The following SIRT3 variants were observed in gnomAD, a reference collection of about 807,000 sequenced individuals.
SIRT3 encodes the protein sirtuin 3.
SIRT3 carries 26 observed loss-of-function variants against 33.5 expected under a neutral mutation model. The ratio of observed to expected loss-of-function variants is 0.78; its 90% CI spans 0.57 to 1.08. The LOEUF is 1.08. SIRT3 is among the 50% of genes least tolerant of loss of function. The pLI, the probability that SIRT3 is intolerant of heterozygous loss-of-function variation, is 0.00. For synonymous variants in SIRT3, 237 were observed against 222.1 expected (o/e 1.07, Z -0.60); for missense variants, 585 against 530.1 (o/e 1.10, Z -1.02).
intron 3 of SIRT3, among the ~76,000 whole-genome samples, chr11:232,488 C>A (rs1858194743): frequency 6.6e-6 from 1 of 152,088 alleles, no homozygotes; most frequent in Non-Finnish European, 1.5e-5. Flanking sequence ...TAGATTATTT[C>A]TAGATTAAAT....
intron 4 of SIRT3, among the ~76,000 whole-genome samples, chr11:224,825 A>C (rs1366344050): frequency 6.7e-6 from 1 of 150,358 alleles, no homozygotes; most frequent in African/African-American, 2.5e-5. Flanking sequence ...GTCAAGATTA[A>C]TATAAATAAA....
rs1590235780 is a variant in SIRT3 at position 236,214 on chromosome 11, C to G, written c.115G>C (p.Val39Leu). 1.3e-6 allele frequency: 2 copies of G among 1,559,856 alleles called. No individual in the cohort carries two copies. The highest frequency in any genetic ancestry group is 1.4e-5 in the African/African-American group (1 of 73,316). Reference protein sequence around the residue: ...GPFQACGCRLVLGGRDDVSAG... With the variant: ...GPFQACGCRLLLGGRDDVSAG... ...CTCACATCGTCCCTGCCGCCAAGCACCAGCCGACAGCCGCAGGCCTGAAAC... is the reference window on the plus strand; with the variant it reads ...CTCACATCGTCCCTGCCGCCAAGCAGCAGCCGACAGCCGCAGGCCTGAAAC... The change falls in exon 1 of 7, where the codon GTG (valine) becomes CTG (leucine). Residue 39 changes from valine to leucine, a missense_variant. Physicochemically the swap from Val to Leu is conservative, Grantham distance 32 (BLOSUM62 1). Transcript: ENST00000382743.
intron 1 of SIRT3, among the ~76,000 whole-genome samples, chr11:235,306 AG>A (rs1271181523): frequency 6.6e-5 from 10 of 152,220 alleles, no homozygotes; most frequent in Non-Finnish European, 2.9e-5. Flanking sequence ...CCTGGACTCA[AG>A]GGATCCTCTT....
intron 4 of SIRT3, among the ~76,000 whole-genome samples, chr11:225,365 T>C (rs1218369457): frequency 1.1e-4 from 16 of 152,066 alleles, no homozygotes; most frequent in Admixed American, 9.2e-4. Flanking sequence ...TGAGCTGAGA[T>C]TGCACCACTG....
chr11:226,776 G>C (rs1857231321), intron 4 of SIRT3, among the ~76,000 whole-genome samples: 1 of 135,312 alleles, frequency 7.4e-6, no homozygotes, highest in African/African-American at 2.7e-5. Context: ...TTTTTGAGAT[G>C]GAGTTTCGCT....
chr11:235,889 A>G (rs1437167653), intron 1 of SIRT3, among the ~76,000 whole-genome samples, 159 bp downstream of exon 1: 2 of 152,234 alleles, frequency 1.3e-5, no homozygotes, highest in Non-Finnish European at 2.9e-5. Flanking sequence ...CAAAACCCCC[A>G]TAAGTGACGT....
At chr11:232,612 G>A (rs1858219599) in intron 3 of SIRT3, among the ~76,000 whole-genome samples, 1 of 152,112 alleles carries the variant, frequency 6.6e-6, no homozygotes, top group South Asian at 2.1e-4. Context: ...TCGTTACATT[G>A]CTCTCTTTGT....
intron 4 of SIRT3, among the ~76,000 whole-genome samples, chr11:227,431 C>G (rs1590171089): frequency 6.6e-6 from 1 of 150,780 alleles, no homozygotes; most frequent in East Asian, 2.0e-4. Flanking sequence ...GAGCAAGACT[C>G]TATCTCAAAA....
At chr11:219,589 C>T (rs1856147608) in intron 5 of SIRT3, among the ~76,000 whole-genome samples, 1 of 148,122 alleles carries the variant, frequency 6.8e-6, no homozygotes, top group African/African-American at 2.5e-5. Context: ...CTTCATACAG[C>T]TCTCAAAGCT....
At chr11:226,163 T>C (rs993877732) in intron 4 of SIRT3, 1 of 152,192 alleles carries the variant, frequency 6.6e-6, no homozygotes, top group African/African-American at 2.4e-5. Context: ...CATCTTGTCT[T>C]TAATCTGTAT....
chr11:216,345 A>G lies in SIRT3; in HGVS notation c.*353T>C, dbSNP rs1855644930. On this transcript the variant is annotated 3_prime_UTR_variant, in exon 7 of 7. Coordinates refer to ENST00000382743, the MANE Select transcript of SIRT3 (RefSeq NM_012239.6). ...TGCCGAGCTTGCCGTTCAACTAGGC[A>G]CAGAAAGCAGACTCGGTCTGGGATT... 1 of 257,906 alleles carries G rather than the reference A, an allele frequency of 3.9e-6. No homozygotes were observed. The highest frequency in any genetic ancestry group is 7.4e-6 in the Non-Finnish European group (1 of 134,472). The allele number at this position is 257,906 out of a possible 1,614,324, so 16.0% of individuals were successfully genotyped here.
rs7927733 is a variant in SIRT3 at position 219,043 on chromosome 11, T to C, written c.970-2A>G. 4.3e-6 allele frequency: 7 copies of C among 1,609,726 alleles called. No individual in the cohort carries two copies. Among genetic ancestry groups the C allele is most frequent in the Non-Finnish European group, 5.1e-6 (6 of 1,178,048 alleles). ...GGTCAAGCTGGCAAAAGGCTCCACC[T>C]GAAAAATGGGCCAAACGTGAGGGGC... On this transcript the variant is annotated splice_acceptor_variant, in intron 5 of 6. Transcript: ENST00000382743. LOFTEE classifies it high-confidence loss of function.
intron 4 of SIRT3, 143 bp downstream of exon 4, chr11:230,309 T>C (rs1312683541): frequency 1.5e-4 from 63 of 432,298 alleles, no homozygotes; most frequent in Non-Finnish European, 4.1e-6. Context: ...TACAAGCATG[T>C]ATTGATTTTC....
rs201359613 is a variant in SIRT3 at position 233,095 on chromosome 11, C to T, written c.594G>A (p.Glu198=). 7.4e-6 allele frequency: 12 copies of T among 1,614,162 alleles called. No individual in the cohort carries two copies. Among genetic ancestry groups the T allele is most frequent in the Non-Finnish European group, 9.3e-6 (11 of 1,180,028 alleles). Residue 198 remains glutamate (E), a synonymous_variant, in exon 3 of 7, where the codon GAG becomes GAA. Coordinates refer to ENST00000382743, the MANE Select transcript of SIRT3 (RefSeq NM_012239.6). ...NPKPFFTLAK[E]LYPGNYKPNV... ...TGGGCTTGTAGTTTCCAGGGTACAG[C>T]TCCTTGGCCAAAGTGAAAAAGGGCT...
At chr11:219,698 C>A (rs564811305) in intron 5 of SIRT3, among the ~76,000 whole-genome samples, 2 of 50,080 alleles carry the variant, frequency 4.0e-5, no homozygotes, top group East Asian at 1.2e-3. Flanking sequence ...CTACCTCCCA[C>A]TGAAAAAAAT....
At chr11:230,295 T>C (rs985769662) in intron 4 of SIRT3, among the ~76,000 whole-genome samples, 157 bp downstream of exon 4, 1 of 152,170 alleles carries the variant, frequency 6.6e-6, no homozygotes, top group Non-Finnish European at 1.5e-5. Flanking sequence ...GTCTTAAATT[T>C]TTTTACAAGC....
chr11:227,512 T>G (rs1158282072), intron 4 of SIRT3, among the ~76,000 whole-genome samples: 2 of 151,914 alleles, frequency 1.3e-5, no homozygotes, highest in African/African-American at 4.8e-5. Context: ...TTTCAGAAAT[T>G]TATATGAAAA....
chr11:230,419 T>G, intron 4 of SIRT3, 33 bp downstream of exon 4: 1 of 1,327,076 alleles, frequency 7.5e-7, no homozygotes, highest in Admixed American at 2.9e-5. Context: ...AACAGCAAAC[T>G]GCAGAAGGAC....
Position 233,029 on chromosome 11 carries a change from C to T in SIRT3, c.660G>A (p.Gly220=). The change falls in exon 3 of 7, where the codon GGG becomes GGA. Residue 220 remains glycine, a synonymous_variant. Transcript: ENST00000382743. ...TCTGCGTGTAGAGCCGCAGAAGCAG[C>T]CCCTTGTCATGAAGCAGCCGGAGAA... ...HYFLRLLHDK[G]LLLRLYTQNI... 1 of 1,614,134 alleles carries T rather than the reference C, an allele frequency of 6.2e-7. No homozygotes were observed. Among genetic ancestry groups the T allele is most frequent in the Non-Finnish European group, 8.5e-7 (1 of 1,180,032 alleles).
Sources: allele counts gnomAD v4.1 joint callset (sites outside exome capture counted in the v4.1 genomes callset), GRCh38; gene constraint gnomAD v4.1.1; transcripts MANE v1.5; gene names NCBI Gene and HGNC (gene_info 2026-07-23, HGNC 2026-07-21).